Variants in SLC9A2 observed in about 807,000 individuals in gnomAD.
SLC9A2 encodes the protein solute carrier family 9 member A2.
SLC9A2 carries 42 observed loss-of-function variants against 71.7 expected under a neutral mutation model. The observed-to-expected ratio is 0.59, with a 90% CI of 0.46 to 0.76. The LOEUF is 0.76. Among genes scored for constraint, SLC9A2 ranks in the 30% least tolerant of loss-of-function variants. SLC9A2 has a pLI of 0.00. For missense variants in SLC9A2, 829 were observed against 1,017.4 expected, an observed-to-expected ratio of 0.81 and a Z score of 2.52; for synonymous variants, 396 against 392.5, an observed-to-expected ratio of 1.01 and a Z score of -0.10.
At chr2:102,658,875 G>A (rs112479324) in intron 2 of SLC9A2, among the ~76,000 whole-genome samples, 2,436 of 152,110 alleles carry the variant, frequency 0.016, 53 homozygotes, top group African/African-American at 0.056. Context: ...AAATCAGTTA[G>A]GGAGCACTGA....
intron 1 of SLC9A2, among the ~76,000 whole-genome samples, chr2:102,626,670 T>C (rs1676255369): frequency 6.6e-6 from 1 of 152,006 alleles, no homozygotes; most frequent in Admixed American, 6.5e-5. Context: ...TGCAATCTGC[T>C]CATCTGAAAA....
intron 7 of SLC9A2, among the ~76,000 whole-genome samples, chr2:102,695,770 AATATATAT>A (rs1326711215): frequency 1.0e-5 from 1 of 99,668 alleles, no homozygotes; most frequent in African/African-American, 3.6e-5. Flanking sequence ...ATATATATAT[AATATATAT>A]TATATATATA....
intron 7 of SLC9A2, among the ~76,000 whole-genome samples, chr2:102,699,343 C>T (rs572388039): frequency 5.9e-4 from 90 of 152,272 alleles, no homozygotes; most frequent in African/African-American, 2.1e-3. Flanking sequence ...GACGCTGCAG[C>T]TAAGGAAGAG....
chr2:102,656,407 T>C (rs1676944293), intron 1 of SLC9A2, among the ~76,000 whole-genome samples: 1 of 152,218 alleles, frequency 6.6e-6, no homozygotes. Flanking sequence ...ATTGCCCTAC[T>C]CTGGGTCTTC....
intron 1 of SLC9A2, among the ~76,000 whole-genome samples, chr2:102,656,015 TA>T (rs1298712865): frequency 4.6e-5 from 7 of 152,230 alleles, no homozygotes; most frequent in African/African-American, 1.4e-4. Context: ...ATCCACCTCT[TA>T]CAGCTATCAC....
Position 102,695,117 on chromosome 2 carries a change from A to G in SLC9A2, c.1586+4A>G. On this transcript the variant is annotated splice_donor_region_variant and intron_variant, in intron 7 of 11. Coordinates refer to ENST00000233969, the MANE Select transcript of SLC9A2 (RefSeq NM_003048.6). ...GTCACAACTTTTGGAGAGACAAGTAAGAAGGTCTTATGCCATTGGGTTATG... is the reference window on the plus strand; with the variant it reads ...GTCACAACTTTTGGAGAGACAAGTAGGAAGGTCTTATGCCATTGGGTTATG... The G allele has an allele frequency of 6.2e-7, 1 of 1,610,420 alleles. No individual in the cohort carries two copies. The highest frequency in any genetic ancestry group is 1.1e-5 in the South Asian group (1 of 90,990).
chr2:102,674,355 C>T (rs1402683748), intron 3 of SLC9A2, among the ~76,000 whole-genome samples: 1 of 152,160 alleles, frequency 6.6e-6, no homozygotes, highest in African/African-American at 2.4e-5. Context: ...ATTCTCTGGA[C>T]AGGGGAGGAC....
chr2:102,704,736 T>C (rs568907669), intron 10 of SLC9A2, 61 bp downstream of exon 10: 4 of 1,547,378 alleles, frequency 2.6e-6, no homozygotes, highest in African/African-American at 1.4e-5. Flanking sequence ...ATTCCATTGA[T>C]CAGCTGATGG....
At chr2:102,643,424 T>G (rs927245363) in intron 1 of SLC9A2, among the ~76,000 whole-genome samples, 4 of 152,182 alleles carry the variant, frequency 2.6e-5, no homozygotes, top group African/African-American at 9.7e-5. Flanking sequence ...TGTGTAAAAC[T>G]TCTGTGCCTT....
At chr2:102,689,514 G>T (rs1250302919) in intron 5 of SLC9A2, among the ~76,000 whole-genome samples, 1 of 152,072 alleles carries the variant, frequency 6.6e-6, no homozygotes, top group Non-Finnish European at 1.5e-5. Flanking sequence ...ACCTTGTGAA[G>T]ACCCTCAAAT....
intron 1 of SLC9A2, among the ~76,000 whole-genome samples, chr2:102,623,544 C>T (rs191821406): frequency 2.2e-4 from 33 of 152,212 alleles, no homozygotes; most frequent in Admixed American, 3.9e-4. Context: ...CTTTCGTACC[C>T]CATTAAACAG....
chr2:102,664,526 T>C (rs1677100197), intron 2 of SLC9A2, among the ~76,000 whole-genome samples: 1 of 151,868 alleles, frequency 6.6e-6, no homozygotes. Flanking sequence ...CCTTTGGGTG[T>C]GTCTCAGTTA....
At chr2:102,670,599 CAAAAAAA>C (rs66543071) in intron 3 of SLC9A2, among the ~76,000 whole-genome samples, 1 of 79,976 alleles carries the variant, frequency 1.3e-5, no homozygotes, top group Admixed American at 1.5e-4. Context: ...CTCCCCCCAC[CAAAAAAA>C]AAAAAAAAAA....
intron 7 of SLC9A2, 93 bp from the exon 8 acceptor site, chr2:102,700,977 C>A: frequency 1.2e-6 from 1 of 859,540 alleles, no homozygotes; most frequent in South Asian, 1.8e-5. Flanking sequence ...AAGTATTTTC[C>A]TGGGAATGGC....
intron 1 of SLC9A2, among the ~76,000 whole-genome samples, chr2:102,647,219 A>G (rs952872036): frequency 6.6e-6 from 1 of 152,144 alleles, no homozygotes; most frequent in East Asian, 1.9e-4. Flanking sequence ...ACTGCTGTGT[A>G]AAAAACTGAA....
At position 102,665,164 on chromosome 2, in the gene SLC9A2, C is replaced by G; in HGVS notation, c.818C>G (p.Ala273Gly). The G allele has an allele frequency of 6.2e-7, 1 of 1,613,860 alleles. No individual in the cohort carries two copies. Among genetic ancestry groups the G allele is most frequent in the Non-Finnish European group, 8.5e-7 (1 of 1,179,984 alleles). The change falls in exon 3 of 12, where the codon GCA (alanine) becomes GGA (glycine). Residue 273 changes from alanine to glycine, a missense_variant. Physicochemically the swap from Ala to Gly is moderately conservative, Grantham distance 60. Coordinates refer to ENST00000233969, the MANE Select transcript of SLC9A2 (RefSeq NM_003048.6). ...MKTIETIDVF[A>G]GIANFFVVGI... Reference sequence around the variant, plus strand: ...ACCATTGAGACCATTGATGTGTTTGCAGGAATCGCCAACTTCTTTGTTGTG... The same window carrying G: ...ACCATTGAGACCATTGATGTGTTTGGAGGAATCGCCAACTTCTTTGTTGTG...
intron 3 of SLC9A2, among the ~76,000 whole-genome samples, chr2:102,675,304 G>T (rs1440740049): frequency 6.6e-6 from 1 of 152,180 alleles, no homozygotes; most frequent in Non-Finnish European, 1.5e-5. Flanking sequence ...TGAACTCTAG[G>T]TTGGTGAGAA....
chr2:102,677,874 C>T (rs1677371568), intron 3 of SLC9A2, among the ~76,000 whole-genome samples: 1 of 152,118 alleles, frequency 6.6e-6, no homozygotes, highest in South Asian at 2.1e-4. Flanking sequence ...TTCTTTCATC[C>T]TTCCTCATCT....
intron 1 of SLC9A2, among the ~76,000 whole-genome samples, chr2:102,641,420 A>C (rs1676578946): frequency 6.6e-6 from 1 of 151,790 alleles, no homozygotes; most frequent in South Asian, 2.1e-4. Context: ...GATTTCATGC[A>C]GTGTCTCTTG....
Sources: allele counts gnomAD v4.1 joint callset (sites outside exome capture counted in the v4.1 genomes callset), GRCh38; gene constraint gnomAD v4.1.1; transcripts MANE v1.5; gene names NCBI Gene and HGNC (gene_info 2026-07-23, HGNC 2026-07-21).